Variants in CDYL observed in about 807,000 individuals in gnomAD.
CDYL encodes chromodomain Y like, also known as chromodomain Y-like protein.
A neutral mutation model predicts 47.3 loss-of-function variants in CDYL; 8 were observed. The observed-to-expected ratio is 0.17, with a 90% CI of 0.10 to 0.31. CDYL has a LOEUF of 0.31. Among genes scored for constraint, CDYL ranks in the 10% least tolerant of loss-of-function variants. CDYL has a pLI of 1.00. For synonymous variants in CDYL, 266 were observed against 265.0 expected, an observed-to-expected ratio of 1.00 and a Z score of -0.04; for missense variants, 471 against 701.4, an observed-to-expected ratio of 0.67 and a Z score of 3.71.
At chr6:4,810,295 A>G (rs1243849332) in intron 1 of CDYL, among the ~76,000 whole-genome samples, 2 of 152,168 alleles carry the variant, frequency 1.3e-5, no homozygotes, top group Non-Finnish European at 2.9e-5. Flanking sequence ...TGATTTCTCA[A>G]CTAGCATGAG....
rs138162631 is a variant in CDYL, at chr6:4,826,734, G to C, written c.24+49927G>C. ...TTGTAAGATTTCAATTTCTTAAAATGTGAGACTTGTTATGAGGTCTGACAT... is the reference window on the plus strand; with the variant it reads ...TTGTAAGATTTCAATTTCTTAAAATCTGAGACTTGTTATGAGGTCTGACAT... On this transcript the variant is annotated intron_variant, in intron 1 of 6. Coordinates refer to ENST00000397588, the MANE Select transcript of CDYL (RefSeq NM_004824.4). 3.3e-5 allele frequency among the ~76,000 whole-genome samples: 5 copies of C among 152,274 alleles called. No individual in the cohort carries two copies. The East Asian group carries it at 9.6e-4, about 29-fold the overall frequency.
At chr6:4,714,860 T>C (rs1046851593) in intron 1 of CDYL, 4 of 152,198 alleles carry the variant, frequency 2.6e-5, no homozygotes, top group East Asian at 1.9e-4. Context: ...GTTGTCTGTA[T>C]TGACAAGCAG....
rs1393122751 is a variant in CDYL at position 4,900,819 on chromosome 6, A to C, written c.691+8440A>C. Among the ~76,000 whole-genome samples the C allele has an allele frequency of 6.6e-4, 56 of 85,060 alleles. 4 individuals carry two copies. The highest frequency in any genetic ancestry group is 1.8e-3 in the African/African-American group (44 of 24,624). The allele number at this position is 85,060 out of a possible 152,430, so 55.8% of individuals were successfully genotyped here. A position where few individuals can be genotyped will look rare whatever the true frequency, so the allele number is the denominator to read the frequency against. On this transcript the variant is annotated intron_variant, in intron 2 of 6. Coordinates refer to ENST00000397588, the MANE Select transcript of CDYL (RefSeq NM_004824.4). ...TATATATATATATATATATATATATATATATATATATCTTGCCTGTTTTTC... is the reference window on the plus strand; with the variant it reads ...TATATATATATATATATATATATATCTATATATATATCTTGCCTGTTTTTC...
intron 2 of CDYL, among the ~76,000 whole-genome samples, chr6:4,917,197 A>G (rs1422165830): frequency 6.6e-6 from 1 of 152,130 alleles, no homozygotes; most frequent in Non-Finnish European, 1.5e-5. Flanking sequence ...GTTTTCTTTT[A>G]AAGAACCTCA....
intron 2 of CDYL, among the ~76,000 whole-genome samples, chr6:4,934,219 G>A (rs1758117757): frequency 1.3e-5 from 2 of 152,256 alleles, no homozygotes; most frequent in South Asian, 4.2e-4. Context: ...TAAGAGGGCA[G>A]GGGGATCCTG....
chr6:4,812,373 G>T (rs1220566938), intron 1 of CDYL, among the ~76,000 whole-genome samples: 1 of 152,096 alleles, frequency 6.6e-6, no homozygotes, highest in South Asian at 2.1e-4. Flanking sequence ...TGGGATGTCC[G>T]GTGTAGCGGT....
chr6:4,900,779 G>GTATATATATATATATA (rs59594195), intron 2 of CDYL, among the ~76,000 whole-genome samples: 3 of 51,680 alleles, frequency 5.8e-5, no homozygotes, highest in Non-Finnish European at 8.3e-5. Flanking sequence ...GTATACGTGT[G>GTATATATATATATATA]TATATATATA....
At chr6:4,879,173 A>G (rs1205163884) in intron 1 of CDYL, among the ~76,000 whole-genome samples, 1 of 152,214 alleles carries the variant, frequency 6.6e-6, no homozygotes, top group Non-Finnish European at 1.5e-5. Flanking sequence ...ACAGTTGGAT[A>G]TAACATTTTG....
intron 3 of CDYL, among the ~76,000 whole-genome samples, chr6:4,770,194 C>A (rs757731829): frequency 6.6e-6 from 1 of 152,008 alleles, no homozygotes; most frequent in Admixed American, 6.6e-5. Flanking sequence ...TTGCCAGCTA[C>A]GTGAGAGCAG....
At chr6:4,801,254 A>G (rs976633909) in intron 1 of CDYL, among the ~76,000 whole-genome samples, 1 of 152,110 alleles carries the variant, frequency 6.6e-6, no homozygotes, top group African/African-American at 2.4e-5. Context: ...ATATCTGTTC[A>G]CTTATTGATA....
At chr6:4,831,130 G>T (rs1389500995) in intron 1 of CDYL, among the ~76,000 whole-genome samples, 1 of 152,136 alleles carries the variant, frequency 6.6e-6, no homozygotes, top group African/African-American at 2.4e-5. Context: ...GTAATGGGAT[G>T]GCTGGGTCAA....
intron 1 of CDYL, among the ~76,000 whole-genome samples, chr6:4,802,086 G>A (rs1331821523): frequency 2.0e-5 from 3 of 152,102 alleles, no homozygotes; most frequent in Non-Finnish European, 2.9e-5. Flanking sequence ...ACTGGCTTTT[G>A]TTTGCCCCCA....
At chr6:4,768,703 G>C (rs1490444042) in intron 3 of CDYL, among the ~76,000 whole-genome samples, 1 of 152,140 alleles carries the variant, frequency 6.6e-6, no homozygotes, top group Non-Finnish European at 1.5e-5. Flanking sequence ...TTAAGTGTGG[G>C]CTGCTCAAAG....
At chr6:4,775,013 G>A (rs570856884), upstream of CDYL, among the ~76,000 whole-genome samples, 19 of 152,218 alleles carry the variant, frequency 1.2e-4, no homozygotes, top group South Asian at 4.1e-4. The surrounding 1 kb of genome is among the most constrained non-coding windows in gnomAD (Gnocchi z 7.0). Context: ...AAACCGCGGG[G>A]TCTGTGAGAC....
chr6:4,743,841 G>T (rs1309890632), intron 3 of CDYL, among the ~76,000 whole-genome samples: 1 of 152,190 alleles, frequency 6.6e-6, no homozygotes, highest in Non-Finnish European at 1.5e-5. Flanking sequence ...TGTGTAGTAT[G>T]ATAAGAAACA....
chr6:4,916,169 G>C (rs1757551373), intron 2 of CDYL, among the ~76,000 whole-genome samples: 1 of 152,226 alleles, frequency 6.6e-6, no homozygotes, highest in South Asian at 2.1e-4. Context: ...GATTTCCTGA[G>C]GCTATGTCAG....
At chr6:4,862,885 A>G (rs903294964) in intron 1 of CDYL, among the ~76,000 whole-genome samples, 10 of 152,202 alleles carry the variant, frequency 6.6e-5, no homozygotes, top group African/African-American at 2.4e-4. Context: ...CGTTCTGTCA[A>G]AAAGACACCT....
At chr6:4,825,259 G>A (rs1335998113) in intron 1 of CDYL, among the ~76,000 whole-genome samples, 1 of 152,082 alleles carries the variant, frequency 6.6e-6, no homozygotes, top group African/African-American at 2.4e-5. Flanking sequence ...TGATTTTTGT[G>A]TGTTATCCTG....
At chr6:4,794,432 G>C (rs993619545) in intron 1 of CDYL, among the ~76,000 whole-genome samples, 6 of 152,134 alleles carry the variant, frequency 3.9e-5, no homozygotes, top group African/African-American at 1.4e-4. Flanking sequence ...GAGAGAATGG[G>C]AAGAGAGGAT....
Sources: gnomAD v4.1 joint callset for allele counts (sites outside exome capture counted in the v4.1 genomes callset) on GRCh38, gnomAD v4.1.1 for gene constraint, Gnocchi (gnomAD v3.1) non-coding constraint, MANE v1.5 for transcripts, NCBI Gene and HGNC (gene_info 2026-07-23, HGNC 2026-07-21) for gene names.